CACNB2: variants seen among roughly 807,000 people sequenced by gnomAD.
CACNB2 encodes the protein voltage-dependent L-type calcium channel subunit beta-2.
CACNB2 carries 42 observed loss-of-function variants against 73.3 expected under a neutral mutation model. That is an observed-to-expected ratio of 0.57 (90% CI 0.45 to 0.74). The LOEUF is 0.74. CACNB2 is among the 30% of genes least tolerant of loss of function. The pLI is 0.00. For synonymous variants in CACNB2, 348 were observed against 310.3 expected (o/e 1.12, Z -1.28); for missense variants, 940 against 853.0 (o/e 1.10, Z -1.27).
rs373174984 is a variant in CACNB2, at chr10:18,251,243, CT to C, written c.213+100279del. Among the ~76,000 whole-genome samples the C allele has an allele frequency of 4.2e-3, 624 of 147,118 alleles. 1 individual carries two copies. The highest frequency in any genetic ancestry group is 0.014 in the African/African-American group (562 of 40,294). On this transcript the variant is annotated intron_variant, in intron 2 of 13. Coordinates refer to ENST00000324631, the MANE Select transcript of CACNB2 (RefSeq NM_201596.3). ...GTAGCCTTAAGCAAGTCTCTCGGCT[CT>C]TTTTTTTTTTCTTTTTTTGAGATGG... is the stretch of plus-strand genomic sequence containing the variant.
At chr10:18,336,187 G>T (rs2040997741) in intron 2 of CACNB2, among the ~76,000 whole-genome samples, 1 of 152,192 alleles carries the variant, frequency 6.6e-6, no homozygotes, top group Admixed American at 6.5e-5. Flanking sequence ...ATTCATTAAA[G>T]GAGCCAGCAT....
Position 18,463,672 on chromosome 10 carries a change from A to C in CACNB2, c.334-34683A>C, listed in dbSNP as rs536528766. ...CTGTCTGGAACTCCTGGTCTCAAGTAGTCTGCCCACCCTGGCCTCCCAAAG... is the reference window on the plus strand; with the variant it reads ...CTGTCTGGAACTCCTGGTCTCAAGTCGTCTGCCCACCCTGGCCTCCCAAAG... On this transcript the variant is annotated intron_variant, in intron 3 of 13. Transcript: ENST00000324631. Among the ~76,000 whole-genome samples the C allele has an allele frequency of 7.9e-5, 12 of 151,436 alleles. No homozygotes were observed. The South Asian group carries it at 2.5e-3, about 32-fold the overall frequency.
intron 2 of CACNB2, among the ~76,000 whole-genome samples, chr10:18,278,379 T>C (rs931224800): frequency 2.6e-5 from 4 of 152,212 alleles, no homozygotes; most frequent in South Asian, 4.1e-4. Flanking sequence ...TGAGTCTGCA[T>C]TGATGTGGCA....
intron 2 of CACNB2, among the ~76,000 whole-genome samples, chr10:18,344,848 A>G (rs7919793): frequency 0.15 from 23,089 of 152,192 alleles, 1,954 homozygotes; most frequent in Middle Eastern, 0.23. Flanking sequence ...CAAGCTCACC[A>G]TGCTGTGGTC....
intron 2 of CACNB2, among the ~76,000 whole-genome samples, chr10:18,298,302 G>A (rs1407715169): frequency 3.3e-5 from 5 of 152,138 alleles, no homozygotes; most frequent in East Asian, 3.9e-4. Context: ...CCGGTGGGGC[G>A]GAGGTTGCAG....
intron 2 of CACNB2, among the ~76,000 whole-genome samples, chr10:18,332,114 A>G (rs1187695504): frequency 1.3e-5 from 2 of 152,222 alleles, no homozygotes; most frequent in African/African-American, 4.8e-5. Context: ...TGCAGGCCAC[A>G]GTTATCTCAG....
At chr10:18,225,454 T>C (rs1539681) in intron 2 of CACNB2, among the ~76,000 whole-genome samples, 99,301 of 152,064 alleles carry the variant, frequency 0.65, 33,691 homozygotes, top group Non-Finnish European at 0.75. Flanking sequence ...GGTCCAGGAC[T>C]GAACCAGGAT....
chr10:18,422,607 T>C (rs1276576138), intron 3 of CACNB2, among the ~76,000 whole-genome samples: 1 of 152,180 alleles, frequency 6.6e-6, no homozygotes, highest in Non-Finnish European at 1.5e-5. Flanking sequence ...TTACAGCCTT[T>C]TTCACAGCAT....
chr10:18,539,143 A>C, intron 13 of CACNB2, 87 bp from the exon 14 acceptor site: 1 of 1,549,464 alleles, frequency 6.5e-7, no homozygotes, highest in Non-Finnish European at 8.9e-7. Context: ...ATGCTTAAAA[A>C]GGACTCTGCT....
intron 2 of CACNB2, among the ~76,000 whole-genome samples, chr10:18,153,877 C>T (rs971908614): frequency 7.1e-6 from 1 of 140,454 alleles, no homozygotes; most frequent in African/African-American, 2.7e-5. Context: ...CAACCATGCC[C>T]GGCAGCATAC....
chr10:18,166,999 AT>A (rs2032904166), intron 2 of CACNB2, among the ~76,000 whole-genome samples: 1 of 152,220 alleles, frequency 6.6e-6, no homozygotes, highest in South Asian at 2.1e-4. Flanking sequence ...TCTCCCGCTC[AT>A]TGAGAATAAG....
chr10:18,174,780 T>C lies in CACNB2; in HGVS notation c.213+23805T>C, dbSNP rs2033482336. Among the ~76,000 whole-genome samples the C allele has an allele frequency of 2.0e-5, 3 of 152,284 alleles. No individual in the cohort carries two copies. In the South Asian group the frequency reaches 6.2e-4, roughly 32 times the overall value. ...ATTACAGACAAGTATGTGTGCCAGA[T>C]GTCTGTTCTAACATGAGTTCAAATT... On this transcript the variant is annotated intron_variant, in intron 2 of 13. Coordinates refer to ENST00000324631, the MANE Select transcript of CACNB2 (RefSeq NM_201596.3).
chr10:18,501,492 G>A (rs2050190632), intron 5 of CACNB2, among the ~76,000 whole-genome samples: 1 of 152,356 alleles, frequency 6.6e-6, no homozygotes, highest in East Asian at 1.9e-4. Flanking sequence ...AATTAGATGA[G>A]TTATGTAAGA....
At position 18,142,211 on chromosome 10, in the gene CACNB2, A is replaced by G. The variant is rs61466775; in HGVS notation, c.120+1355A>G. The stretch of plus-strand genomic sequence containing the variant: ...AAATTAATGTGCTAACTTAAAACAC[A>G]TAATTCACTTTGACTTGAGAAGGGG... On this transcript the variant is annotated intron_variant, in intron 1 of 13. Transcript: ENST00000324631. 5.9e-3 allele frequency among the ~76,000 whole-genome samples: 893 copies of G among 152,358 alleles called. 9 individuals are homozygous for G. The highest frequency in any genetic ancestry group is 0.02 in the African/African-American group (848 of 41,578).
At chr10:18,414,340 C>T (rs1430585971) in intron 3 of CACNB2, among the ~76,000 whole-genome samples, 4 of 152,132 alleles carry the variant, frequency 2.6e-5, no homozygotes, top group African/African-American at 7.2e-5. Context: ...TACTTGGGAA[C>T]AAAATTACAC....
intron 2 of CACNB2, among the ~76,000 whole-genome samples, chr10:18,258,739 A>G (rs189085431): frequency 3.3e-5 from 5 of 152,188 alleles, no homozygotes; most frequent in Non-Finnish European, 5.9e-5. Flanking sequence ...AAACAAACAA[A>G]CAAGCAAACA....
intron 2 of CACNB2, among the ~76,000 whole-genome samples, chr10:18,307,983 C>CTTT (rs869311555): frequency 0.027 from 1,906 of 70,178 alleles, 397 homozygotes; most frequent in African/African-American, 0.071. Context: ...TATATGCCAA[C>CTTT]TTTTTTTTTT....
intron 3 of CACNB2, among the ~76,000 whole-genome samples, chr10:18,487,872 A>G (rs2049151306): frequency 6.6e-6 from 1 of 151,722 alleles, no homozygotes. Flanking sequence ...GAAGACATAC[A>G]TGGTCTCATA....
intron 3 of CACNB2, among the ~76,000 whole-genome samples, chr10:18,467,086 G>T (rs1227612579): frequency 1.3e-5 from 2 of 152,064 alleles, no homozygotes; most frequent in Admixed American, 6.6e-5. Context: ...CTCAGGAGGC[G>T]GAAGTTGCAG....
Sources: allele counts gnomAD v4.1 joint callset (sites outside exome capture counted in the v4.1 genomes callset), GRCh38; gene constraint gnomAD v4.1.1; transcripts MANE v1.5; gene names NCBI Gene and HGNC (gene_info 2026-07-23, HGNC 2026-07-21).